RDH13: variants seen among roughly 807,000 people sequenced by gnomAD.
The protein encoded by RDH13 is retinol dehydrogenase 13 (all-trans and 9-cis).
Under a neutral mutation model 28.3 loss-of-function variants are expected in RDH13, and 35 were observed. The observed-to-expected ratio is 1.24, with a 90% CI of 0.95 to 1.64. RDH13 has a LOEUF of 1.64. Among genes scored for constraint, RDH13 ranks in the 40% most tolerant of loss-of-function variants. The pLI, the probability that RDH13 is intolerant of heterozygous loss-of-function variation, is 0.00. For missense variants in RDH13, 514 were observed against 446.3 expected, an observed-to-expected ratio of 1.15 and a Z score of -1.37; for synonymous variants, 229 against 198.5, an observed-to-expected ratio of 1.15 and a Z score of -1.29.
At chr19:55,056,413 G>A (rs34432766) in intron 3 of RDH13, among the ~76,000 whole-genome samples, 6 of 151,948 alleles carry the variant, frequency 3.9e-5, no homozygotes, top group East Asian at 3.8e-4. Context: ...AGCCGAGATC[G>A]CGCCATTGCA....
At chr19:55,055,603 G>A (rs1475442245) in intron 3 of RDH13, among the ~76,000 whole-genome samples, 3 of 151,870 alleles carry the variant, frequency 2.0e-5, no homozygotes, top group African/African-American at 7.2e-5. Context: ...ACTGTGGGAA[G>A]CTGACCTGGG....
intron 2 of RDH13, 60 bp downstream of exon 2, chr19:55,059,097 G>T: frequency 8.9e-7 from 1 of 1,117,604 alleles, no homozygotes; most frequent in Non-Finnish European, 1.3e-6. Flanking sequence ...TGTGAATAAT[G>T]CTGCAGTGAG....
intron 3 of RDH13, chr19:55,050,835 AAC>A (rs946636918): frequency 4.6e-5 from 7 of 151,984 alleles, no homozygotes; most frequent in African/African-American, 1.4e-4. Flanking sequence ...TCCAGCGCGT[AAC>A]ACACAGACAC....
upstream of RDH13, among the ~76,000 whole-genome samples, chr19:55,065,928 G>A (rs1299121353): frequency 1.3e-5 from 2 of 152,144 alleles, no homozygotes; most frequent in African/African-American, 4.8e-5. Context: ...ATGTTGGCCA[G>A]GCTGGTTTTG....
chr19:55,058,255 T>C (rs1444157309), intron 2 of RDH13, among the ~76,000 whole-genome samples: 2 of 151,648 alleles, frequency 1.3e-5, no homozygotes, highest in South Asian at 2.1e-4. Flanking sequence ...GGGTGTGGTG[T>C]TGCATGCCTG....
chr19:55,044,788 A>C lies in RDH13; in HGVS notation c.*286T>G. ...CCTGACGTGGCCTGCAAGTGCACGG[A>C]GCCCCTTCCTCCTCGGCCATTCCCA... On this transcript the variant is annotated 3_prime_UTR_variant, in exon 7 of 7. Coordinates refer to ENST00000415061, the MANE Select transcript of RDH13 (RefSeq NM_001145971.2). 2.3e-6 allele frequency: 1 copy of C among 444,314 alleles called. No individual in the cohort carries two copies. The highest frequency in any genetic ancestry group is 2.0e-5 in the African/African-American group (1 of 49,814). 27.5% of individuals were successfully genotyped at this position (444,314 alleles called of 1,614,324 possible). A position where few individuals can be genotyped will look rare whatever the true frequency, so the allele number is the denominator to read the frequency against.
chr19:55,059,987 G>A lies in RDH13; in HGVS notation c.66-712C>T, dbSNP rs145234429. On this transcript the variant is annotated intron_variant, in intron 1 of 6. Transcript: ENST00000415061. ...TCTAGTCTCAATAAACCAGGGGCAC[G>A]ATGCACTGCAGAAAGCTGCAGGGAC... 1.3e-3 allele frequency among the ~76,000 whole-genome samples: 197 copies of A among 152,296 alleles called. 5 individuals carry two copies. The East Asian group carries it at 0.032, about 25-fold the overall frequency.
chr19:55,041,057 C>G (rs1452422451), downstream of RDH13: 1 of 152,322 alleles, frequency 6.6e-6, no homozygotes, highest in African/African-American at 2.4e-5. Context: ...ACCCGGGAGG[C>G]AGAAGTTGCA....
upstream of RDH13, among the ~76,000 whole-genome samples, chr19:55,065,780 C>T (rs563087203): frequency 2.0e-5 from 3 of 152,098 alleles, no homozygotes; most frequent in Non-Finnish European, 2.9e-5. Context: ...CGCAGTGATG[C>T]AATCTCAGCT....
At chr19:55,048,864 G>A in intron 3 of RDH13, 101 bp from the exon 4 acceptor site, 1 of 1,050,962 alleles carries the variant, frequency 9.5e-7, no homozygotes, top group Non-Finnish European at 1.4e-6. Context: ...TGTGAATGTG[G>A]CCTGTGCCGG....
intron 3 of RDH13, among the ~76,000 whole-genome samples, chr19:55,054,640 C>T (rs1030609625): frequency 2.0e-5 from 3 of 152,136 alleles, no homozygotes; most frequent in Non-Finnish European, 2.9e-5. Context: ...ACAAATACGG[C>T]TCACTGCAGC....
chr19:55,052,063 C>CTTTT (rs111427426), intron 3 of RDH13, among the ~76,000 whole-genome samples: 1,702 of 120,076 alleles, frequency 0.014, 32 homozygotes, highest in Non-Finnish European at 0.017. Flanking sequence ...ACTGCCTCAA[C>CTTTT]TTTTTTTTTT....
intron 1 of RDH13, among the ~76,000 whole-genome samples, chr19:55,061,572 C>G (rs2075807673): frequency 6.6e-6 from 1 of 151,624 alleles, no homozygotes; most frequent in African/African-American, 2.4e-5. Context: ...AGGAGGATCA[C>G]TTGAGGTCAG....
At chr19:55,047,517 G>A (rs948271181) in intron 5 of RDH13, 29 bp from the exon 6 acceptor site, 3 of 1,586,828 alleles carry the variant, frequency 1.9e-6, no homozygotes, top group Non-Finnish European at 8.5e-7. Context: ...GAAGACTGAG[G>A]GAGGGGTCCA....
rs752343665 is a variant in RDH13 at position 55,047,387 on chromosome 19, C to T, written c.760G>A (p.Gly254Arg). 3.3e-5 allele frequency: 53 copies of T among 1,611,048 alleles called. No homozygotes were observed. The highest frequency in any genetic ancestry group is 4.0e-5 in the African/African-American group (3 of 74,902). Residue 254 changes from glycine (G) to arginine (R), a missense_variant and splice_region_variant, in exon 6 of 7, where the codon GGG (glycine) becomes AGG (arginine). By Grantham distance (125) the Gly-to-Arg change is moderately radical. Coordinates refer to ENST00000415061, the MANE Select transcript of RDH13 (RefSeq NM_001145971.2). ...HGSTFSSTTL[G>R]PIFWLLVKSP... ...GACCCCAGGCTGGGAGGGGACTCAC[C>T]GAGTGTGGTGCTGGAGAAGGTGGAG...
At chr19:55,053,544 C>T (rs1963449004) in intron 3 of RDH13, among the ~76,000 whole-genome samples, 1 of 151,956 alleles carries the variant, frequency 6.6e-6, no homozygotes, top group Admixed American at 6.6e-5. Flanking sequence ...TAGTCCCCCG[C>T]CACTCGGGAG....
intron 3 of RDH13, among the ~76,000 whole-genome samples, chr19:55,052,143 G>A (rs1348037958): frequency 6.7e-6 from 1 of 150,292 alleles, no homozygotes; most frequent in South Asian, 2.1e-4. Flanking sequence ...TGCAGGCCGG[G>A]CGTGGTGGCT....
At chr19:55,045,946 CAAAA>C (rs11356856) in intron 6 of RDH13, among the ~76,000 whole-genome samples, 23 of 89,358 alleles carry the variant, frequency 2.6e-4, no homozygotes, top group African/African-American at 7.6e-4. Flanking sequence ...GACTTCGTCT[CAAAA>C]AAAAAAAAAA....
intron 3 of RDH13, among the ~76,000 whole-genome samples, chr19:55,052,754 C>T (rs1457495914): frequency 1.3e-5 from 2 of 151,410 alleles, no homozygotes; most frequent in Admixed American, 1.3e-4. Context: ...CTCCACCTCC[C>T]GGGTTCACGC....
Sources: gnomAD v4.1 joint callset for allele counts (sites outside exome capture counted in the v4.1 genomes callset) on GRCh38, gnomAD v4.1.1 for gene constraint, MANE v1.5 for transcripts, NCBI Gene and HGNC (gene_info 2026-07-23, HGNC 2026-07-21) for gene names.